The following HEATR5B variants were observed in gnomAD, a reference collection of about 807,000 sequenced individuals.
The protein encoded by HEATR5B is HEAT repeat containing 5B.
A neutral mutation model predicts 224.1 loss-of-function variants in HEATR5B; 156 were observed. The ratio of observed to expected loss-of-function variants is 0.70; its 90% CI spans 0.61 to 0.80. The LOEUF (loss-of-function observed/expected upper bound fraction) is 0.80, where lower values mean the gene tolerates loss of function less well. HEATR5B is among the 30% of genes least tolerant of loss of function. The pLI is 0.00. For synonymous variants in HEATR5B, 1,027 were observed against 893.0 expected (o/e 1.15, Z -2.68); for missense variants, 2,323 against 2,535.5 (o/e 0.92, Z 1.80).
intron 24 of HEATR5B, among the ~76,000 whole-genome samples, chr2:37,021,932 A>T (rs1382745808): frequency 6.6e-6 from 1 of 151,400 alleles, no homozygotes; most frequent in Non-Finnish European, 1.5e-5. Flanking sequence ...AGAGCCTCAT[A>T]GGAATATAAT....
At chr2:37,061,736 A>T (rs1480086808) in intron 11 of HEATR5B, among the ~76,000 whole-genome samples, 17 of 152,230 alleles carry the variant, frequency 1.1e-4, no homozygotes. Flanking sequence ...AACTTTGCTA[A>T]CAACTTTCTC....
At chr2:36,991,382 C>T (rs1175508891) in intron 33 of HEATR5B, among the ~76,000 whole-genome samples, 1 of 151,474 alleles carries the variant, frequency 6.6e-6, no homozygotes, top group Non-Finnish European at 1.5e-5. Context: ...GTAATCCCAG[C>T]TACTTGGGAG....
chr2:37,076,783 A>G, intron 4 of HEATR5B, 128 bp downstream of exon 4: 1 of 645,940 alleles, frequency 1.5e-6, no homozygotes, highest in Non-Finnish European at 2.7e-6. Context: ...GACAAGTAAT[A>G]ATTTGTAATT....
chr2:37,005,287 T>C (rs1478281457), intron 30 of HEATR5B, among the ~76,000 whole-genome samples: 1 of 152,306 alleles, frequency 6.6e-6, no homozygotes, highest in East Asian at 1.9e-4. Flanking sequence ...GATTCAACCA[T>C]TGCCCACTCT....
chr2:37,045,205 C>T (rs1038080533), intron 18 of HEATR5B, among the ~76,000 whole-genome samples: 3 of 151,358 alleles, frequency 2.0e-5, no homozygotes, highest in Admixed American at 6.6e-5. Context: ...ATTTCTGGGC[C>T]GTTTCTATTG....
Position 37,007,119 on chromosome 2 carries a change from C to T in HEATR5B, c.4708G>A (p.Ala1570Thr). 1 of 1,614,054 alleles carries T rather than the reference C, an allele frequency of 6.2e-7. No homozygotes were observed. The highest frequency in any genetic ancestry group is 8.5e-7 in the Non-Finnish European group (1 of 1,179,970). ...KRSTSVNLNQ[A>T]SGAVGSAKSL... ...TTAGCACTACCCACTGCTCCTGATGCCTGGTTTAAATTGACAGATGTAGAA... is the reference window on the plus strand; with the variant it reads ...TTAGCACTACCCACTGCTCCTGATGTCTGGTTTAAATTGACAGATGTAGAA... The change falls in exon 29 of 36, where the codon GCA (alanine) becomes ACA (threonine). Residue 1570 changes from alanine to threonine, a missense_variant. Physicochemically the swap from Ala to Thr is moderately conservative, Grantham distance 58. This residue lies in a region of HEATR5B where 844 missense variants were observed against 812.9 expected (regional missense o/e 1.04). Transcript: ENST00000233099.
intron 26 of HEATR5B, among the ~76,000 whole-genome samples, chr2:37,014,601 TCAGTC>T (rs1484707496): frequency 6.6e-6 from 1 of 151,934 alleles, no homozygotes. Context: ...CCAAAGCAGT[TCAGTC>T]TTGAATAATT....
intron 16 of HEATR5B, among the ~76,000 whole-genome samples, chr2:37,055,373 G>A (rs984559537): frequency 6.6e-6 from 1 of 151,912 alleles, no homozygotes; most frequent in African/African-American, 2.4e-5. Flanking sequence ...GATAATCCTG[G>A]ATTTCAGTTA....
At chr2:37,000,410 T>G (rs576285516) in intron 33 of HEATR5B, among the ~76,000 whole-genome samples, 176 bp downstream of exon 33, 40 of 152,304 alleles carry the variant, frequency 2.6e-4, no homozygotes, top group South Asian at 2.1e-4. Context: ...CAAGGGCATT[T>G]AGAGTCAACA....
intron 26 of HEATR5B, among the ~76,000 whole-genome samples, chr2:37,015,992 A>G (rs1668088491): frequency 6.6e-6 from 1 of 152,214 alleles, no homozygotes; most frequent in Non-Finnish European, 1.5e-5. Context: ...AGAAAATACC[A>G]GAAAAACAAA....
chr2:37,056,241 T>TA (rs1042401951), intron 16 of HEATR5B, among the ~76,000 whole-genome samples, 199 bp downstream of exon 16: 55 of 152,268 alleles, frequency 3.6e-4, no homozygotes, highest in African/African-American at 1.3e-3. Flanking sequence ...AAATCTTACA[T>TA]AAAGTCTCAA....
intron 17 of HEATR5B, among the ~76,000 whole-genome samples, chr2:37,050,929 T>C (rs372431402): frequency 6.6e-6 from 1 of 151,720 alleles, no homozygotes; most frequent in Non-Finnish European, 1.5e-5. Flanking sequence ...TAATCCCAGC[T>C]ACTCAGCAGA....
intron 32 of HEATR5B, among the ~76,000 whole-genome samples, chr2:37,001,791 G>A (rs757447274): frequency 2.1e-5 from 3 of 142,546 alleles, no homozygotes; most frequent in Non-Finnish European, 3.1e-5. Context: ...AGCTTCCTGA[G>A]TAGCTGGGAT....
chr2:37,040,995 T>C, intron 19 of HEATR5B, 138 bp downstream of exon 19: 2 of 639,826 alleles, frequency 3.1e-6, no homozygotes, highest in Non-Finnish European at 5.3e-6. Flanking sequence ...AAACAAAATC[T>C]TGCTATGTAC....
At chr2:37,005,785 T>G (rs199558769) in intron 29 of HEATR5B, 26 bp from the exon 30 acceptor site, 7 of 1,102,772 alleles carry the variant, frequency 6.3e-6, no homozygotes, top group South Asian at 3.6e-5. Flanking sequence ...TAAAAACATG[T>G]TTTTTCACTT....
At chr2:37,047,207 C>T (rs1380482075) in intron 18 of HEATR5B, among the ~76,000 whole-genome samples, 1 of 151,582 alleles carries the variant, frequency 6.6e-6, no homozygotes, top group East Asian at 1.9e-4. Context: ...ATAAATGTAG[C>T]AATGAATGAA....
At chr2:37,070,650 T>G (rs561147254) in intron 6 of HEATR5B, among the ~76,000 whole-genome samples, 1 of 152,352 alleles carries the variant, frequency 6.6e-6, no homozygotes, top group Admixed American at 6.5e-5. Flanking sequence ...TAATACTATG[T>G]GTAACACAAT....
chr2:36,983,438 C>T (rs1335471748), intron 35 of HEATR5B, among the ~76,000 whole-genome samples: 1 of 152,012 alleles, frequency 6.6e-6, no homozygotes, highest in Non-Finnish European at 1.5e-5. Context: ...ACTAGGGAGA[C>T]TGAGGCAGGA....
At chr2:37,063,326 G>A (rs930660493) in intron 10 of HEATR5B, among the ~76,000 whole-genome samples, 6 of 152,104 alleles carry the variant, frequency 3.9e-5, no homozygotes, top group South Asian at 2.1e-4. Context: ...CAAAGGCTTC[G>A]AAGCTGAAAA....
Sources: gnomAD v4.1 joint callset for allele counts (sites outside exome capture counted in the v4.1 genomes callset) on GRCh38, gnomAD v4.1.1 for gene constraint, gnomAD v4.1.1 regional missense constraint, MANE v1.5 for transcripts, NCBI Gene and HGNC (gene_info 2026-07-23, HGNC 2026-07-21) for gene names.